Variants in TXNL4A observed in about 807,000 individuals in gnomAD.
TXNL4A encodes the protein thioredoxin like 4A, also known as thioredoxin-like protein 4A.
Under a neutral mutation model 14.6 loss-of-function variants are expected in TXNL4A, and 17 were observed. The ratio of observed to expected loss-of-function variants is 1.16; its 90% CI spans 0.80 to 1.74. TXNL4A has a LOEUF of 1.74. TXNL4A is among the 40% of genes most tolerant of loss of function. The probability of loss-of-function intolerance (pLI) is 0.00; values close to 1 mark genes in which losing one functional copy is unlikely to be tolerated. For synonymous variants in TXNL4A, 83 were observed against 70.6 expected, an observed-to-expected ratio of 1.18 and a Z score of -0.88; for missense variants, 74 against 195.2, an observed-to-expected ratio of 0.38 and a Z score of 3.70.
intron 1 of TXNL4A, among the ~76,000 whole-genome samples, chr18:79,997,656 A>G (rs1313872684): frequency 6.6e-6 from 1 of 152,176 alleles, no homozygotes; most frequent in African/African-American, 2.4e-5. Flanking sequence ...GTATACACAA[A>G]GTCCCACTTA....
At position 79,988,356 on chromosome 18, in the gene TXNL4A, G is replaced by T; in HGVS notation, c.37C>A (p.Gln13Lys). 6.4e-7 allele frequency: 1 copy of T among 1,558,860 alleles called. No individual in the cohort carries two copies. Among genetic ancestry groups the T allele is most frequent in the Non-Finnish European group, 8.7e-7 (1 of 1,150,064 alleles). The change falls in exon 1 of 3, where the codon CAG (glutamine) becomes AAG (lysine). Residue 13 changes from glutamine to lysine, a missense_variant. By Grantham distance (53) the Gln-to-Lys change is moderately conservative (BLOSUM62 1). This residue lies in a region of TXNL4A where 55 missense variants were observed against 116.1 expected (regional missense o/e 0.47). Coordinates refer to ENST00000269601, the MANE Select transcript of TXNL4A (RefSeq NM_006701.5). ...TCCGAGAGGATGGCCTGGTCCACCT[G>T]CCAGCCGTTGTGCAGGTGCGGGAGC... ...YMLPHLHNGWQVDQAILSEED... is the reference protein window; with the variant it reads ...YMLPHLHNGWKVDQAILSEED...
At chr18:79,994,754 C>T (rs1194914312) in intron 1 of TXNL4A, among the ~76,000 whole-genome samples, 1 of 152,186 alleles carries the variant, frequency 6.6e-6, no homozygotes, top group East Asian at 1.9e-4. Context: ...CTCCAAATCC[C>T]TTACTTCCCC....
rs369483992 is a variant in TXNL4A, at chr18:80,017,794, T to C, written c.-61+16057A>G. ...ATTTTATTGAGGATTTTTACATCAA[T>C]GTTCATCACGGATATTGGTCTAAAA... On this transcript the variant is annotated intron_variant, in intron 1 of 2. Transcript: ENST00000585474. Among the ~76,000 whole-genome samples, 19 of 152,190 alleles carry C rather than the reference T, an allele frequency of 1.2e-4. No homozygotes were observed. In the East Asian group the frequency reaches 1.3e-3, roughly 11 times the overall value.
intron 1 of TXNL4A, among the ~76,000 whole-genome samples, chr18:79,987,459 A>T (rs879737299): frequency 2.0e-5 from 3 of 151,902 alleles, no homozygotes; most frequent in Non-Finnish European, 4.4e-5. Context: ...CTCTCAAATT[A>T]CTTATGGAAA....
chr18:80,003,275 G>A (rs1333778782), intron 1 of TXNL4A, among the ~76,000 whole-genome samples: 1 of 152,222 alleles, frequency 6.6e-6, no homozygotes, highest in Non-Finnish European at 1.5e-5. Context: ...GGCCTGAGGA[G>A]TACTTCAAGG....
rs192016266 is a variant in TXNL4A at position 79,982,013 on chromosome 18, G to C, written c.154-4312C>G. Among the ~76,000 whole-genome samples the C allele has an allele frequency of 6.6e-6, 1 of 152,242 alleles. No individual in the cohort carries two copies. The highest frequency in any genetic ancestry group is 2.4e-5 in the African/African-American group (1 of 41,464). On this transcript the variant is annotated intron_variant, in intron 1 of 2. Transcript: ENST00000269601. The surrounding 1 kb of genome is among the most constrained non-coding windows in gnomAD (Gnocchi z 4.0). ...TCACGTGAGTGATGCCCAGCCGCAC[G>C]GGGAAGGGGCAGAGCTGAGATGCAC...
At chr18:79,999,823 T>C (rs553897710) in intron 1 of TXNL4A, among the ~76,000 whole-genome samples, 9 of 152,292 alleles carry the variant, frequency 5.9e-5, no homozygotes, top group East Asian at 5.8e-4. Context: ...TGGGAGATAA[T>C]TGAATCACGG....
chr18:80,031,392 T>C (rs1342513568), intron 1 of TXNL4A, among the ~76,000 whole-genome samples: 1 of 152,262 alleles, frequency 6.6e-6, no homozygotes, highest in Admixed American at 6.5e-5. Flanking sequence ...CACTAACTTA[T>C]GGCTGTGGTC....
chr18:80,007,137 G>A (rs2051736834), intron 1 of TXNL4A, among the ~76,000 whole-genome samples: 1 of 152,156 alleles, frequency 6.6e-6, no homozygotes, highest in African/African-American at 2.4e-5. Context: ...GAAATAATTT[G>A]GGGGCTGCTT....
At chr18:80,012,585 A>T (rs1174232839) in intron 1 of TXNL4A, among the ~76,000 whole-genome samples, 1 of 152,206 alleles carries the variant, frequency 6.6e-6, no homozygotes, top group African/African-American at 2.4e-5. Context: ...TCCAGGCCTT[A>T]TAAGGTTGCC....
chr18:79,999,338 C>G (rs1372551780), intron 1 of TXNL4A, among the ~76,000 whole-genome samples: 1 of 152,008 alleles, frequency 6.6e-6, no homozygotes, highest in East Asian at 1.9e-4. Context: ...GAGTTCAAGA[C>G]CAGCCTGGCC....
In TXNL4A at chr18:79,973,429, T is replaced by C; in HGVS notation, c.*256A>G. The C allele has an allele frequency of 2.3e-6, 1 of 432,570 alleles. No homozygotes were observed. The highest frequency in any genetic ancestry group is 5.5e-5 in the South Asian group (1 of 18,096). The allele number at this position is 432,570 out of a possible 1,614,324, so 26.8% of individuals were successfully genotyped here. A position where few individuals can be genotyped will look rare whatever the true frequency, so the allele number is the denominator to read the frequency against. ...GCTCACAGGATAAACACCTTCGTTT[T>C]ACTCCAAGGGTAAGAATTAACTTTG... On this transcript the variant is annotated 3_prime_UTR_variant, in exon 3 of 3. Transcript: ENST00000269601.
At position 80,011,523 on chromosome 18, in the gene TXNL4A, A is replaced by AAG. The variant is rs35130881; in HGVS notation, c.-61+22326_-61+22327dup. 0.47 allele frequency among the ~76,000 whole-genome samples: 71,914 copies of AAG among 151,858 alleles called. 17,722 individuals are homozygous for AAG. The highest frequency in any genetic ancestry group is 0.75 in the East Asian group (3,841 of 5,134). ...CCACCCTTGCTGCAATATTGTGGGA[A>AAG]AGAGTTTCTGGGGCGCCAGATGAGT... On this transcript the variant is annotated intron_variant, in intron 1 of 2. Transcript: ENST00000585474. This position sits in a 1 kb window ranked among gnomAD's most constrained non-coding sequence, Gnocchi z 4.1.
intron 1 of TXNL4A, among the ~76,000 whole-genome samples, chr18:80,007,478 T>C (rs1441961694): frequency 1.3e-5 from 2 of 152,178 alleles, no homozygotes; most frequent in African/African-American, 4.8e-5. Flanking sequence ...CTGAAATCTA[T>C]GGGTAACATC....
At chr18:79,989,039 G>A (rs1314603175), upstream of TXNL4A, among the ~76,000 whole-genome samples, 1 of 152,236 alleles carries the variant, frequency 6.6e-6, no homozygotes, top group Non-Finnish European at 1.5e-5. Flanking sequence ...GGGGTAGGGA[G>A]GAAGCACTGG....
intron 2 of TXNL4A, among the ~76,000 whole-genome samples, chr18:79,976,426 T>C (rs899162623): frequency 2.0e-5 from 3 of 151,720 alleles, no homozygotes; most frequent in African/African-American, 4.8e-5. Context: ...GGCAGCAGAG[T>C]GGCCTCAGGT....
intron 1 of TXNL4A, among the ~76,000 whole-genome samples, chr18:80,006,927 G>A (rs955896997): frequency 6.6e-6 from 1 of 152,110 alleles, no homozygotes; most frequent in East Asian, 1.9e-4. Flanking sequence ...GAGTCTCTAC[G>A]CGCCAGGCGC....
upstream of TXNL4A, among the ~76,000 whole-genome samples, chr18:79,988,859 G>C (rs1864530): frequency 0.28 from 42,342 of 152,208 alleles, 6,874 homozygotes; most frequent in Non-Finnish European, 0.38. Flanking sequence ...CTCCAGCCAC[G>C]GATGGGGACG....
At chr18:79,997,937 C>T (rs2051673422) in intron 1 of TXNL4A, among the ~76,000 whole-genome samples, 1 of 152,240 alleles carries the variant, frequency 6.6e-6, no homozygotes, top group African/African-American at 2.4e-5. Context: ...TTTTAGCTTT[C>T]CCAATGCCTG....
Sources: gnomAD v4.1 joint callset for allele counts (sites outside exome capture counted in the v4.1 genomes callset) on GRCh38, gnomAD v4.1.1 for gene constraint, gnomAD v4.1.1 regional missense constraint, Gnocchi (gnomAD v3.1) non-coding constraint, MANE v1.5 for transcripts, NCBI Gene and HGNC (gene_info 2026-07-23, HGNC 2026-07-21) for gene names.